Variants in KCNIP4 observed in about 807,000 individuals in gnomAD.
KCNIP4 encodes the protein Kv channel-interacting protein 4.
A neutral mutation model predicts 34.0 loss-of-function variants in KCNIP4; 12 were observed. That is an observed-to-expected ratio of 0.35 (90% CI 0.23 to 0.57). The LOEUF is 0.57. KCNIP4 is among the 20% of genes least tolerant of loss of function. The pLI is 0.83. For missense variants in KCNIP4, 238 were observed against 311.7 expected (o/e 0.76, Z 1.78); for synonymous variants, 124 against 102.2 (o/e 1.21, Z -1.29).
chr4:21,680,573 G>C (rs1750269920), intron 1 of KCNIP4, among the ~76,000 whole-genome samples: 1 of 152,188 alleles, frequency 6.6e-6, no homozygotes, highest in African/African-American at 2.4e-5. Flanking sequence ...ATCTATGACA[G>C]TTATAGCCTT....
intron 3 of KCNIP4, among the ~76,000 whole-genome samples, chr4:20,781,626 G>A (rs565183522): frequency 4.5e-4 from 69 of 152,158 alleles, no homozygotes; most frequent in South Asian, 4.4e-3. Context: ...AGACTTATTC[G>A]CTACCACAAG....
At chr4:21,840,625 G>A (rs1029758121) in intron 1 of KCNIP4, among the ~76,000 whole-genome samples, 10 of 152,062 alleles carry the variant, frequency 6.6e-5, no homozygotes, top group Admixed American at 5.9e-4. Flanking sequence ...ATGTTGGTGG[G>A]GTTGTTAAAG....
At chr4:21,314,167 T>C (rs933267834) in intron 1 of KCNIP4, among the ~76,000 whole-genome samples, 4 of 152,170 alleles carry the variant, frequency 2.6e-5, no homozygotes, top group African/African-American at 9.7e-5. Flanking sequence ...CTGTCTGCAA[T>C]GTGGTAGGTT....
intron 1 of KCNIP4, among the ~76,000 whole-genome samples, chr4:21,504,475 A>AAAAAAAAGAAAG (rs1264431211): frequency 2.9e-5 from 3 of 101,852 alleles, no homozygotes; most frequent in African/African-American, 1.2e-4. Context: ...CAAAAAAAAA[A>AAAAAAAAGAAAG]AAAGAAAGAA....
intron 1 of KCNIP4, among the ~76,000 whole-genome samples, chr4:21,917,584 G>A (rs1222731245): frequency 6.6e-6 from 1 of 152,048 alleles, no homozygotes; most frequent in African/African-American, 2.4e-5. Context: ...GCTACTAAGG[G>A]GTAGATTGAG....
At chr4:21,464,225 T>A (rs1200562560) in intron 1 of KCNIP4, among the ~76,000 whole-genome samples, 1 of 152,014 alleles carries the variant, frequency 6.6e-6, no homozygotes, top group Non-Finnish European at 1.5e-5. Context: ...TAATATTTAC[T>A]ATTTTCTTCC....
intron 1 of KCNIP4, among the ~76,000 whole-genome samples, chr4:21,112,859 T>C (rs1368640): frequency 0.29 from 44,019 of 150,074 alleles, 7,024 homozygotes; most frequent in African/African-American, 0.44. Flanking sequence ...TATTTTTCCC[T>C]TTTTTTTTTC....
intron 1 of KCNIP4, among the ~76,000 whole-genome samples, chr4:21,712,663 T>C (rs1177682434): frequency 6.6e-6 from 1 of 152,168 alleles, no homozygotes; most frequent in African/African-American, 2.4e-5. Flanking sequence ...TTTATATTGC[T>C]GCAGAAACAC....
chr4:20,932,087 GT>G lies in KCNIP4; in HGVS notation c.62-49379del, dbSNP rs1162955645. 2.5e-4 allele frequency among the ~76,000 whole-genome samples: 9 copies of G among 36,676 alleles called. 3 individuals are homozygous for G. Among genetic ancestry groups the G allele is most frequent in the Admixed American group, 6.6e-4 (2 of 3,018 alleles). 24.1% of individuals were successfully genotyped at this position (36,676 alleles called of 152,430 possible). ...TTGTAGACTATAATAGTCTATAACA[GT>G]CTAATATTGTAGACTATAATAGTCT... On this transcript the variant is annotated intron_variant, in intron 1 of 8. Coordinates refer to ENST00000382152, the MANE Select transcript of KCNIP4 (RefSeq NM_025221.6).
intron 1 of KCNIP4, among the ~76,000 whole-genome samples, chr4:21,732,520 A>C (rs1577915529): frequency 1.3e-5 from 2 of 152,252 alleles, no homozygotes; most frequent in Admixed American, 6.5e-5. Flanking sequence ...TCTTGCCCAA[A>C]GCCAATCCAG....
In KCNIP4 at chr4:21,757,103, GAAA is replaced by G. The variant is rs1560690762; in HGVS notation, c.61+191465_61+191467del. On this transcript the variant is annotated intron_variant, in intron 1 of 8. Coordinates refer to ENST00000382152, the MANE Select transcript of KCNIP4 (RefSeq NM_025221.6). ...GCAACAGAGTCCTGTCTCAAAAAAA[GAAA>G]GAAAGAAAGAAAGAAAGAAAGAAAG... Among the ~76,000 whole-genome samples, 3 of 3,314 alleles carry G rather than the reference GAAA, an allele frequency of 9.1e-4. No individual in the cohort carries two copies. In the African/African-American group the frequency reaches 0.01, roughly 11 times the overall value. 2.2% of individuals were successfully genotyped at this position (3,314 alleles called of 152,430 possible). A position where few individuals can be genotyped will look rare whatever the true frequency, so the allele number is the denominator to read the frequency against.
chr4:21,508,438 C>T (rs1262715770), intron 1 of KCNIP4, among the ~76,000 whole-genome samples: 1 of 152,140 alleles, frequency 6.6e-6, no homozygotes, highest in African/African-American at 2.4e-5. Flanking sequence ...TCAGAAATGT[C>T]CCCTCTTCCA....
intron 1 of KCNIP4, among the ~76,000 whole-genome samples, chr4:21,543,685 T>C (rs1482510611): frequency 6.6e-6 from 1 of 152,212 alleles, no homozygotes; most frequent in Non-Finnish European, 1.5e-5. Flanking sequence ...CAGACAGTTG[T>C]AAAGTCAGCA....
chr4:21,241,666 C>A (rs1010013483), intron 1 of KCNIP4, among the ~76,000 whole-genome samples: 2 of 152,076 alleles, frequency 1.3e-5, no homozygotes, highest in Non-Finnish European at 2.9e-5. Flanking sequence ...ATTTAGTGTG[C>A]AGAATTTGTC....
chr4:21,861,905 A>G (rs1725099700), intron 1 of KCNIP4, among the ~76,000 whole-genome samples: 1 of 152,106 alleles, frequency 6.6e-6, no homozygotes, highest in South Asian at 2.1e-4. Context: ...TCTTAACCAC[A>G]GCATGCTTGA....
At chr4:21,798,400 A>AATAC (rs71655665) in intron 1 of KCNIP4, among the ~76,000 whole-genome samples, 287 of 25,954 alleles carry the variant, frequency 0.011, no homozygotes, top group East Asian at 0.042. Flanking sequence ...CACACAAAAA[A>AATAC]ATACATATAT....
At chr4:20,739,487 C>G (rs1750533758) in intron 5 of KCNIP4, among the ~76,000 whole-genome samples, 1 of 152,170 alleles carries the variant, frequency 6.6e-6, no homozygotes, top group Non-Finnish European at 1.5e-5. Context: ...CTCCAACAGA[C>G]CTGCAGCTGA....
At chr4:21,661,786 A>G (rs184770969) in intron 1 of KCNIP4, among the ~76,000 whole-genome samples, 94 of 152,254 alleles carry the variant, frequency 6.2e-4, no homozygotes, top group African/African-American at 2.1e-3. Flanking sequence ...TTTAACTGGC[A>G]TCTCTGAAAT....
intron 1 of KCNIP4, among the ~76,000 whole-genome samples, chr4:21,427,755 G>A (rs1020836): frequency 0.64 from 96,684 of 152,074 alleles, 31,039 homozygotes; most frequent in African/African-American, 0.73. Context: ...AGAACTGTCC[G>A]CGTAGGGCAG....
Sources: gnomAD v4.1 joint callset for allele counts (sites outside exome capture counted in the v4.1 genomes callset) on GRCh38, gnomAD v4.1.1 for gene constraint, MANE v1.5 for transcripts, NCBI Gene and HGNC (gene_info 2026-07-23, HGNC 2026-07-21) for gene names.